VPS13D: variants seen among roughly 807,000 people sequenced by gnomAD.
VPS13D encodes the protein intermembrane lipid transfer protein VPS13D.
In VPS13D, 187 loss-of-function variants were observed where a neutral mutation model predicts 461.9. That is an observed-to-expected ratio of 0.40 (90% CI 0.36 to 0.46). The LOEUF (loss-of-function observed/expected upper bound fraction) is 0.46, where lower values mean the gene tolerates loss of function less well. Among genes scored for constraint, VPS13D ranks in the 20% least tolerant of loss-of-function variants. The pLI is 0.60. For missense variants in VPS13D, 4,711 were observed against 5,364.9 expected, an observed-to-expected ratio of 0.88 and a Z score of 3.81; for synonymous variants, 1,951 against 1,986.3, an observed-to-expected ratio of 0.98 and a Z score of 0.47.
chr1:12,440,961 T>A (rs190016409), intron 65 of VPS13D, among the ~76,000 whole-genome samples: 1,883 of 152,060 alleles, frequency 0.012, 24 homozygotes, highest in Non-Finnish European at 0.017. Flanking sequence ...GTTTCACTCT[T>A]GTCACCCAGG....
chr1:12,264,217 G>A (rs1641198500), intron 13 of VPS13D, among the ~76,000 whole-genome samples: 1 of 152,052 alleles, frequency 6.6e-6, no homozygotes, highest in Non-Finnish European at 1.5e-5. Context: ...TTCCTCTCCT[G>A]GGGCCTCCCT....
At chr1:12,504,726 C>T (rs899043307) in intron 68 of VPS13D, among the ~76,000 whole-genome samples, 2 of 152,220 alleles carry the variant, frequency 1.3e-5, no homozygotes, top group Non-Finnish European at 2.9e-5. Context: ...GTCACCCCTC[C>T]TCCAGAAGTG....
Position 12,335,808 on chromosome 1 carries a change from T to C in VPS13D, c.8532T>C (p.Asp2844=). ...KSEDWMGSSV[D]PPCFGQSLPL... is the part of the protein sequence containing the mutation. ...AAGACTGGATGGGCTCTTCGGTGGATCCTCCATGTTTTGGACAAAGTAAGA... is the reference window on the plus strand; with the variant it reads ...AAGACTGGATGGGCTCTTCGGTGGACCCTCCATGTTTTGGACAAAGTAAGA... The change falls in exon 39 of 70, where the codon GAT becomes GAC. Residue 2844 remains aspartate, a synonymous_variant. Coordinates refer to ENST00000620676, the MANE Select transcript of VPS13D (RefSeq NM_015378.4). The C allele has an allele frequency of 6.2e-7, 1 of 1,614,150 alleles. No individual in the cohort carries two copies. The highest frequency in any genetic ancestry group is 8.5e-7 in the Non-Finnish European group (1 of 1,179,986).
chr1:12,293,825 G>A, intron 24 of VPS13D, 121 bp downstream of exon 24: 1 of 1,003,694 alleles, frequency 1.0e-6, no homozygotes, highest in South Asian at 1.8e-5. Context: ...TGTTCTCCGT[G>A]TAGATTAGCT....
chr1:12,384,093 G>A (rs1644318801), intron 58 of VPS13D, among the ~76,000 whole-genome samples: 1 of 152,212 alleles, frequency 6.6e-6, no homozygotes, highest in African/African-American at 2.4e-5. Context: ...TAGAGAAGCA[G>A]AGTGGGGCAA....
chr1:12,259,011 A>G (rs1003204008), intron 10 of VPS13D, among the ~76,000 whole-genome samples: 1 of 151,026 alleles, frequency 6.6e-6, no homozygotes, highest in African/African-American at 2.4e-5. Flanking sequence ...TAAACCAGAC[A>G]TTTTGGATGA....
chr1:12,409,996 C>G (rs796375779), intron 63 of VPS13D: 36 of 442,476 alleles, frequency 8.1e-5, no homozygotes, highest in Admixed American at 7.1e-4. Flanking sequence ...CAGCTGCCAA[C>G]AGGCAGAGAA....
rs569937506 is a variant in VPS13D, at chr1:12,491,434, C to T, written c.12663-6066C>T. The stretch of plus-strand genomic sequence containing the variant: ...ACAGACCTATGACATAGTTACTCAT[C>T]GTATAAGCTACGAATAATTAATGCC... On this transcript the variant is annotated intron_variant, in intron 67 of 69. Transcript: ENST00000620676. Among the ~76,000 whole-genome samples the T allele has an allele frequency of 6.4e-4, 98 of 152,312 alleles. 2 individuals carry two copies. The highest frequency in any genetic ancestry group is 3.4e-3 in the Middle Eastern group (1 of 294).
intron 60 of VPS13D, among the ~76,000 whole-genome samples, chr1:12,397,662 C>T (rs905409855): frequency 6.6e-6 from 1 of 152,082 alleles, no homozygotes. Context: ...AGAAAGTCTG[C>T]CAATAAATAT....
At chr1:12,423,634 G>A (rs1197999931) in intron 65 of VPS13D, among the ~76,000 whole-genome samples, 2 of 152,200 alleles carry the variant, frequency 1.3e-5, no homozygotes, top group Non-Finnish European at 2.9e-5. Context: ...TCTTTTCGAA[G>A]CAAACCTTTC....
chr1:12,330,013 G>GC, intron 37 of VPS13D, 95 bp downstream of exon 37: 1 of 738,964 alleles, frequency 1.4e-6, no homozygotes, highest in Non-Finnish European at 2.2e-6. Context: ...GAAGGAAAGG[G>GC]CAGGGGTGGG....
At chr1:12,346,217 A>G (rs1485196196) in intron 43 of VPS13D, among the ~76,000 whole-genome samples, 1 of 152,150 alleles carries the variant, frequency 6.6e-6, no homozygotes, top group Non-Finnish European at 1.5e-5. Flanking sequence ...CTTAGAAAAC[A>G]CTGTTGCACA....
chr1:12,482,768 C>T (rs1445378806), intron 67 of VPS13D, among the ~76,000 whole-genome samples: 2 of 148,918 alleles, frequency 1.3e-5, no homozygotes, highest in Non-Finnish European at 3.0e-5. Context: ...ACATAGTATA[C>T]ATATATGTAT....
intron 23 of VPS13D, among the ~76,000 whole-genome samples, chr1:12,292,064 G>T (rs571064570): frequency 4.6e-5 from 7 of 152,012 alleles, no homozygotes; most frequent in Non-Finnish European, 1.0e-4. Context: ...TTTGAGACCA[G>T]CCTGGCCAAC....
intron 6 of VPS13D, 56 bp downstream of exon 6, chr1:12,249,395 G>A: frequency 6.9e-7 from 1 of 1,443,652 alleles, no homozygotes; most frequent in Non-Finnish European, 9.6e-7. Context: ...AGGAATCTGG[G>A]GCTCTGCCTT....
chr1:12,270,013 G>T (rs1053871642), intron 16 of VPS13D, among the ~76,000 whole-genome samples: 28 of 152,210 alleles, frequency 1.8e-4, no homozygotes, highest in African/African-American at 6.7e-4. Flanking sequence ...AAATTAATCA[G>T]GCATGGTGCT....
chr1:12,231,096 A>C (rs1232161278), intron 1 of VPS13D, among the ~76,000 whole-genome samples: 1 of 152,134 alleles, frequency 6.6e-6, no homozygotes. Flanking sequence ...GCCGCTCCTC[A>C]GGGGAGGGGC....
chr1:12,244,314 A>G lies in VPS13D; in HGVS notation c.244A>G (p.Ile82Val), dbSNP rs774354203. 8.1e-6 allele frequency: 13 copies of G among 1,614,044 alleles called. No homozygotes were observed. Among genetic ancestry groups the G allele is most frequent in the Non-Finnish European group, 1.0e-5 (12 of 1,180,028 alleles). ...CCATGTGGACCCTTGGGTGATCTCC[A>G]TCTCCAGCCTTCACTTAATTGGAGC... ...RPHVDPWVIS[I>V]SSLHLIGAPE... Residue 82 changes from isoleucine to valine, a missense_variant, in exon 4 of 70, where the codon ATC (isoleucine) becomes GTC (valine). By Grantham distance (29) the Ile-to-Val change is conservative. This residue lies in a region of VPS13D where 4,411 missense variants were observed against 4,937.8 expected (regional missense o/e 0.89). Transcript: ENST00000620676.
chr1:12,358,549 A>T lies in VPS13D; in HGVS notation c.10089A>T (p.Arg3363=). 1 of 1,614,136 alleles carries T rather than the reference A, an allele frequency of 6.2e-7. No individual in the cohort carries two copies. The highest frequency in any genetic ancestry group is 8.5e-7 in the Non-Finnish European group (1 of 1,180,014). ...CCCTGGATGGTGGTAGTGGTGTCCG[A>T]GCTTTGAAAGTCATCCAGCAAGGAA... ...GFSLDGGSGV[R]ALKVIQQGNR... Residue 3363 remains arginine (R), a synonymous_variant, in exon 50 of 70, where the codon CGA becomes CGT. Transcript: ENST00000620676.
Sources: gnomAD v4.1 joint callset for allele counts (sites outside exome capture counted in the v4.1 genomes callset) on GRCh38, gnomAD v4.1.1 for gene constraint, gnomAD v4.1.1 regional missense constraint, MANE v1.5 for transcripts, NCBI Gene and HGNC (gene_info 2026-07-23, HGNC 2026-07-21) for gene names.